BIK: variants seen among roughly 807,000 people sequenced by gnomAD.
The protein encoded by BIK is BCL2 interacting killer.
BIK carries 14 observed loss-of-function variants against 12.1 expected under a neutral mutation model. The observed-to-expected ratio is 1.16, with a 90% CI of 0.77 to 1.81. The LOEUF is 1.81. Among genes scored for constraint, BIK ranks in the 40% most tolerant of loss-of-function variants. The probability of loss-of-function intolerance (pLI) is 0.00; values close to 1 mark genes in which losing one functional copy is unlikely to be tolerated. For missense variants in BIK, 215 were observed against 207.9 expected (o/e 1.03, Z -0.21); for synonymous variants, 86 against 92.3 (o/e 0.93, Z 0.39).
chr22:43,124,093 C>T lies in BIK; in HGVS notation c.71C>T (p.Pro24Leu), dbSNP rs751637834. 6.2e-7 allele frequency: 1 copy of T among 1,614,180 alleles called. No homozygotes were observed. The highest frequency in any genetic ancestry group is 2.2e-5 in the East Asian group (1 of 44,888). Residue 24 changes from proline to leucine, a missense_variant, in exon 2 of 5, where the codon CCC becomes CTC. Transcript: ENST00000216115. Reference protein sequence around the residue: ...ETLLYEQLLEPPTMEVLGMTD... With the variant: ...ETLLYEQLLELPTMEVLGMTD... ...CTCCTGTATGAGCAGCTCCTGGAAC[C>T]CCCGACCATGGAGGTTCTTGGCATG...
chr22:43,114,327 G>C (rs1275728547), intron 1 of BIK, among the ~76,000 whole-genome samples: 3 of 152,090 alleles, frequency 2.0e-5, no homozygotes, highest in Admixed American at 2.0e-4. Flanking sequence ...CCCCGAGATG[G>C]AGTCTTGCTC....
rs1476777711 is a variant in BIK, at chr22:43,128,624, G to A, written c.389G>A (p.Trp130Ter). The change falls in exon 4 of 5, where the codon TGG becomes TAG. Residue 130 changes from tryptophan (W) to a stop codon, truncating the protein, a stop_gained and splice_region_variant. Transcript: ENST00000216115. LOFTEE classifies it low-confidence loss of function (END_TRUNC). The stretch of plus-strand genomic sequence containing the variant: ...TGGAGATCCCCGAACCCCGGGTCCT[G>A]GGTAAGAGCCTTGAGATCCCTGACC... ...RFWRSPNPGS[W>*]VSCEQVLLAL... 1.2e-6 allele frequency: 2 copies of A among 1,606,666 alleles called. No individual in the cohort carries two copies. Among genetic ancestry groups the A allele is most frequent in the African/African-American group, 2.7e-5 (2 of 74,664 alleles).
At chr22:43,124,878 C>T (rs927450446) in intron 2 of BIK, among the ~76,000 whole-genome samples, 5 of 152,024 alleles carry the variant, frequency 3.3e-5, no homozygotes, top group Admixed American at 1.3e-4. Flanking sequence ...GGCAACAGAG[C>T]GAGACTCCAT....
chr22:43,123,329 C>A (rs1299498243), intron 1 of BIK, among the ~76,000 whole-genome samples: 2 of 152,178 alleles, frequency 1.3e-5, no homozygotes, highest in East Asian at 3.9e-4. Context: ...GAGGAATCGC[C>A]CTGCAGCCTG....
chr22:43,129,253 T>G lies in BIK; in HGVS notation c.431T>G (p.Leu144Arg). 6.3e-7 allele frequency: 1 copy of G among 1,598,976 alleles called. No homozygotes were observed. Among genetic ancestry groups the G allele is most frequent in the Non-Finnish European group, 8.5e-7 (1 of 1,176,960 alleles). Reference protein sequence around the residue: ...EQVLLALLLLLALLLPLLSGG... With the variant: ...EQVLLALLLLRALLLPLLSGG... ...GTGCTGCTGGCGCTGCTGCTGCTGC[T>G]GGCGCTGCTGCTGCCGCTGCTCAGC... The change falls in exon 5 of 5, where the codon CTG (leucine) becomes CGG (arginine). Residue 144 changes from leucine to arginine, a missense_variant. Transcript: ENST00000216115.
intron 1 of BIK, among the ~76,000 whole-genome samples, chr22:43,119,953 G>A (rs11912351): frequency 0.045 from 6,848 of 152,098 alleles, 486 homozygotes; most frequent in African/African-American, 0.15. Context: ...TGGGCAAACG[G>A]GTGAGACCCT....
At chr22:43,124,419 A>G (rs984615398) in intron 2 of BIK, among the ~76,000 whole-genome samples, 9 of 152,178 alleles carry the variant, frequency 5.9e-5, no homozygotes, top group Admixed American at 3.3e-4. Context: ...GCATGTTCAC[A>G]GTCTCAAGAT....
intron 1 of BIK, among the ~76,000 whole-genome samples, chr22:43,111,387 C>G (rs947726668): frequency 2.0e-5 from 3 of 152,242 alleles, no homozygotes; most frequent in African/African-American, 7.2e-5. Flanking sequence ...GGCGCGCAGC[C>G]GCCCGCCCTC....
chr22:43,114,716 T>C (rs892701759), intron 1 of BIK, among the ~76,000 whole-genome samples: 2 of 152,186 alleles, frequency 1.3e-5, no homozygotes, highest in Non-Finnish European at 2.9e-5. Context: ...GTGCAGACAA[T>C]GGCGCATCAT....
chr22:43,125,985 T>C (rs1930306323), intron 2 of BIK, among the ~76,000 whole-genome samples: 2 of 151,546 alleles, frequency 1.3e-5, no homozygotes, highest in South Asian at 4.2e-4. Context: ...CATACCCAGA[T>C]GTCCAGGCAC....
At chr22:43,112,419 G>A (rs1003667737) in intron 1 of BIK, among the ~76,000 whole-genome samples, 23 of 151,686 alleles carry the variant, frequency 1.5e-4, no homozygotes, top group African/African-American at 5.1e-4. Flanking sequence ...AGCTAGTCTC[G>A]AACTCCTGAC....
Position 43,127,709 on chromosome 22 carries a change from C to T in BIK, c.174C>T (p.Ala58=), listed in dbSNP as rs1274529515. ...LECMEGSDAL[A]LRLACIGDEM... is the part of the protein sequence containing the mutation. ...GTGCTCCCTGCAGTGACGCATTGGC[C>T]CTGCGGCTGGCCTGCATCGGGGACG... The change falls in exon 3 of 5, where the codon GCC becomes GCT. Residue 58 remains alanine (A), a synonymous_variant. Transcript: ENST00000216115. 6.4e-7 allele frequency: 1 copy of T among 1,555,178 alleles called. No homozygotes were observed. The highest frequency in any genetic ancestry group is 2.4e-5 in the East Asian group (1 of 41,384).
At chr22:43,115,952 T>G (rs1930105399) in intron 1 of BIK, among the ~76,000 whole-genome samples, 1 of 151,722 alleles carries the variant, frequency 6.6e-6, no homozygotes, top group Admixed American at 6.6e-5. Context: ...AGACACTGTT[T>G]CACCATGTTG....
intron 3 of BIK, 127 bp from the exon 4 acceptor site, chr22:43,128,369 G>A (rs963789014): frequency 1.1e-5 from 13 of 1,225,540 alleles, no homozygotes; most frequent in African/African-American, 3.0e-5. Context: ...AAAGGGCCCC[G>A]GGTGGCTGTG....
chr22:43,122,629 C>G (rs1237360399), intron 1 of BIK, among the ~76,000 whole-genome samples: 2 of 152,198 alleles, frequency 1.3e-5, no homozygotes, highest in African/African-American at 4.8e-5. Flanking sequence ...GAACCCTTCT[C>G]TGCCATCATG....
Position 43,129,314 on chromosome 22 carries a change from C to G in BIK, c.*9C>G. ...ACCTGCTGCTCAAGTGAGGCCCCGG[C>G]GGCTCAGGGCGGGGCTGGCCCCACC... On this transcript the variant is annotated 3_prime_UTR_variant, in exon 5 of 5. Transcript: ENST00000216115. The G allele has an allele frequency of 1.9e-6, 3 of 1,596,654 alleles. No individual in the cohort carries two copies. The highest frequency in any genetic ancestry group is 1.7e-6 in the Non-Finnish European group (2 of 1,178,178).
intron 1 of BIK, 76 bp from the exon 2 acceptor site, chr22:43,123,940 G>C: frequency 6.7e-7 from 1 of 1,496,298 alleles, no homozygotes; most frequent in South Asian, 1.2e-5. Flanking sequence ...TATACAATCT[G>C]GGGGTCATCC....
At chr22:43,126,188 C>A (rs1022604693) in intron 2 of BIK, among the ~76,000 whole-genome samples, 1 of 137,164 alleles carries the variant, frequency 7.3e-6, no homozygotes, top group African/African-American at 2.8e-5. Flanking sequence ...GCATGCCCGG[C>A]TTTTTTTTTT....
chr22:43,118,529 C>T (rs1429007545), intron 1 of BIK, among the ~76,000 whole-genome samples: 11 of 152,216 alleles, frequency 7.2e-5, no homozygotes, highest in Non-Finnish European at 1.6e-4. Context: ...AGGGCGTTTC[C>T]TGCTGGGTTA....
Sources: gnomAD v4.1 joint callset for allele counts (sites outside exome capture counted in the v4.1 genomes callset) on GRCh38, gnomAD v4.1.1 for gene constraint, MANE v1.5 for transcripts, NCBI Gene and HGNC (gene_info 2026-07-23, HGNC 2026-07-21) for gene names.